The following LSAMP variants were observed in gnomAD, a reference collection of about 807,000 sequenced individuals.
The protein encoded by LSAMP is limbic system associated membrane protein.
In LSAMP, 7 loss-of-function variants were observed where a neutral mutation model predicts 38.6. That is an observed-to-expected ratio of 0.18 (90% CI 0.10 to 0.34). The LOEUF (loss-of-function observed/expected upper bound fraction) is 0.34, where lower values mean the gene tolerates loss of function less well. Ranked by LOEUF, LSAMP falls within the 10% of genes least tolerant of loss-of-function variation. The pLI, the probability that LSAMP is intolerant of heterozygous loss-of-function variation, is 1.00. For missense variants in LSAMP, 313 were observed against 420.0 expected (o/e 0.75, Z 2.23); for synonymous variants, 154 against 166.8 (o/e 0.92, Z 0.59).
chr3:116,078,911 C>T (rs1052031413), intron 2 of LSAMP, among the ~76,000 whole-genome samples: 1 of 152,108 alleles, frequency 6.6e-6, no homozygotes, highest in Non-Finnish European at 1.5e-5. Context: ...TTAAAACCAA[C>T]ATGAAGATGC....
chr3:115,922,335 C>A (rs1425779560), intron 3 of LSAMP, among the ~76,000 whole-genome samples: 1 of 152,062 alleles, frequency 6.6e-6, no homozygotes, highest in Non-Finnish European at 1.5e-5. Flanking sequence ...TGGATTCTTT[C>A]TTCTGCCTGG....
chr3:115,962,794 T>C (rs1334698321), intron 3 of LSAMP, among the ~76,000 whole-genome samples: 1 of 152,156 alleles, frequency 6.6e-6, no homozygotes, highest in Non-Finnish European at 1.5e-5. Flanking sequence ...CCCCAGCCCT[T>C]TGGATTTCAG....
At chr3:115,817,859 A>G (rs1401668425) in intron 6 of LSAMP, among the ~76,000 whole-genome samples, 1 of 152,218 alleles carries the variant, frequency 6.6e-6, no homozygotes, top group African/African-American at 2.4e-5. Flanking sequence ...GACTTTCTGT[A>G]TATGTCTCAT....
intron 3 of LSAMP, among the ~76,000 whole-genome samples, chr3:115,954,104 C>A (rs1319727091): frequency 6.6e-6 from 1 of 152,092 alleles, no homozygotes; most frequent in East Asian, 1.9e-4. Context: ...TGCCTTCTTC[C>A]CCACTCCCTC....
intron 1 of LSAMP, among the ~76,000 whole-genome samples, chr3:116,296,121 T>C (rs2047329582): frequency 1.3e-5 from 2 of 152,204 alleles, no homozygotes; most frequent in African/African-American, 4.8e-5. Flanking sequence ...GAACAGCTAT[T>C]GTCGTAGCTC....
chr3:116,140,482 G>A (rs1232771259), intron 1 of LSAMP, among the ~76,000 whole-genome samples: 2 of 151,980 alleles, frequency 1.3e-5, no homozygotes, highest in African/African-American at 4.8e-5. Flanking sequence ...GACGGTGGTG[G>A]AAGATTAATC....
At chr3:116,399,172 G>C (rs9836288) in intron 1 of LSAMP, among the ~76,000 whole-genome samples, 9,448 of 152,180 alleles carry the variant, frequency 0.062, 392 homozygotes, top group African/African-American at 0.12. Context: ...AGATTACAAA[G>C]GACTTGTTCA....
intron 3 of LSAMP, among the ~76,000 whole-genome samples, chr3:115,898,526 GAAC>G (rs1936785786): frequency 6.6e-6 from 1 of 151,368 alleles, no homozygotes; most frequent in African/African-American, 2.4e-5. Context: ...GCTGAAATCT[GAAC>G]AACCTATTGA....
intron 3 of LSAMP, among the ~76,000 whole-genome samples, chr3:115,882,893 C>A (rs1273949315): frequency 1.3e-5 from 2 of 152,038 alleles, no homozygotes; most frequent in African/African-American, 2.4e-5. Context: ...AAACAAAACC[C>A]TAGCAGCTTT....
intron 3 of LSAMP, among the ~76,000 whole-genome samples, chr3:115,998,046 T>C (rs1939878977): frequency 6.6e-6 from 1 of 151,134 alleles, no homozygotes; most frequent in African/African-American, 2.4e-5. Flanking sequence ...ACCCACTAGA[T>C]GCTGGTTTTA....
intron 2 of LSAMP, among the ~76,000 whole-genome samples, chr3:116,030,297 T>C (rs1281340012): frequency 6.6e-6 from 1 of 152,066 alleles, no homozygotes; most frequent in East Asian, 1.9e-4. Context: ...GCTTCAGCAA[T>C]AGGTGCACTC....
At chr3:116,197,159 ACACACT>A (rs1157618631) in intron 1 of LSAMP, among the ~76,000 whole-genome samples, 4 of 150,276 alleles carry the variant, frequency 2.7e-5, no homozygotes, top group Admixed American at 6.6e-5. Flanking sequence ...ACACACACAC[ACACACT>A]CTCTCTCTCT....
chr3:116,236,750 A>C (rs1252381420), intron 1 of LSAMP, among the ~76,000 whole-genome samples: 1 of 152,118 alleles, frequency 6.6e-6, no homozygotes, highest in Non-Finnish European at 1.5e-5. Flanking sequence ...CATTGTTTAA[A>C]GTTCTTTACC....
intron 1 of LSAMP, among the ~76,000 whole-genome samples, chr3:116,378,988 AACACAC>A (rs3028640): frequency 0.011 from 1,476 of 136,984 alleles, 18 homozygotes; most frequent in South Asian, 0.035. Context: ...AATTGCTCAG[AACACAC>A]ACACACACAC....
At chr3:116,202,457 T>A (rs1488381052) in intron 1 of LSAMP, among the ~76,000 whole-genome samples, 2 of 151,618 alleles carry the variant, frequency 1.3e-5, no homozygotes, top group Non-Finnish European at 2.9e-5. Flanking sequence ...TCCTTCTCTT[T>A]TTTTTGAGAC....
chr3:116,379,603 C>T (rs764101101), intron 1 of LSAMP, among the ~76,000 whole-genome samples: 1 of 151,744 alleles, frequency 6.6e-6, no homozygotes, highest in Non-Finnish European at 1.5e-5. Flanking sequence ...ATCAAGTGGG[C>T]AGTTGGAATA....
chr3:116,103,444 G>T, intron 1 of LSAMP, among the ~76,000 whole-genome samples: 1 of 123,288 alleles, frequency 8.1e-6, no homozygotes. Context: ...CAGCCTGGGT[G>T]ACAGAGTGAG....
intron 2 of LSAMP, 140 bp from the exon 3 acceptor site, chr3:116,019,780 C>A: frequency 1.2e-6 from 1 of 854,522 alleles, no homozygotes; most frequent in South Asian, 1.5e-5. Flanking sequence ...TTTTAAGACC[C>A]ATGCTTGCCA....
intron 2 of LSAMP, among the ~76,000 whole-genome samples, chr3:116,028,425 T>C (rs751827532): frequency 1.3e-3 from 200 of 152,320 alleles, no homozygotes; most frequent in Non-Finnish European, 1.6e-3. Context: ...GAATATTCTC[T>C]GACATTTGCT....
Sources: allele counts gnomAD v4.1 joint callset (sites outside exome capture counted in the v4.1 genomes callset), GRCh38; gene constraint gnomAD v4.1.1; transcripts MANE v1.5; gene names NCBI Gene and HGNC (gene_info 2026-07-23, HGNC 2026-07-21).